The following PRTG variants were observed in gnomAD, a reference collection of about 807,000 sequenced individuals.
PRTG encodes immunoglobulin superfamily, DCC subclass, member 5.
A neutral mutation model predicts 122.5 loss-of-function variants in PRTG; 67 were observed. The observed-to-expected ratio is 0.55, with a 90% CI of 0.45 to 0.67. PRTG has a LOEUF of 0.67. Among genes scored for constraint, PRTG ranks in the 30% least tolerant of loss-of-function variants. The pLI, the probability that PRTG is intolerant of heterozygous loss-of-function variation, is 0.00. For synonymous variants in PRTG, 554 were observed against 501.1 expected, an observed-to-expected ratio of 1.11 and a Z score of -1.41; for missense variants, 1,435 against 1,415.4, an observed-to-expected ratio of 1.01 and a Z score of -0.22.
rs1444001000 is a variant in PRTG at position 55,622,240 on chromosome 15, C to CA, written c.3094-1474dup. ...TGTTTTTTTTTTTTTTTTTTTGAGA[C>CA]AGAGTCTCGTTCTTGTTGCCCAGGC... On this transcript the variant is annotated intron_variant, in intron 18 of 19. Transcript: ENST00000389286. 7.3e-5 allele frequency among the ~76,000 whole-genome samples: 8 copies of CA among 109,318 alleles called. No homozygotes were observed. The East Asian group carries it at 2.7e-3, about 37-fold the overall frequency. 71.7% of individuals were successfully genotyped at this position (109,318 alleles called of 152,430 possible).
rs539139924 is a variant in PRTG, at chr15:55,619,033, A to G, written c.*979T>C. 1 of 152,296 alleles carries G rather than the reference A, an allele frequency of 6.6e-6. No homozygotes were observed. Among genetic ancestry groups the G allele is most frequent in the South Asian group, 2.1e-4 (1 of 4,822 alleles). 9.4% of individuals were successfully genotyped at this position (152,296 alleles called of 1,614,324 possible). A position where few individuals can be genotyped will look rare whatever the true frequency, so the allele number is the denominator to read the frequency against. On this transcript the variant is annotated 3_prime_UTR_variant, in exon 20 of 20. Transcript: ENST00000389286. ...CCACCTTAACCCATTTTCTTTAAAA[A>G]TCCATATTCTGCATGGGGTTTTGCA...
At chr15:55,710,899 G>GT (rs1237566846) in intron 2 of PRTG, among the ~76,000 whole-genome samples, 2 of 151,530 alleles carry the variant, frequency 1.3e-5, no homozygotes, top group Non-Finnish European at 2.9e-5. Context: ...AGCAGATGTG[G>GT]TTTTTTGATT....
chr15:55,673,801 GAGGTTTTC>G, intron 9 of PRTG, 125 bp from the exon 10 acceptor site: 1 of 714,374 alleles, frequency 1.4e-6, no homozygotes, highest in Non-Finnish European at 2.3e-6. Flanking sequence ...AGCCCTAGCA[GAGGTTTTC>G]AGTGAAACAG....
At chr15:55,682,801 G>A (rs879663432) in intron 3 of PRTG, among the ~76,000 whole-genome samples, 11 of 152,074 alleles carry the variant, frequency 7.2e-5, no homozygotes, top group Non-Finnish European at 1.6e-4. Context: ...GACCTCAAGT[G>A]ATCTGCCCGC....
chr15:55,739,318 T>G (rs969830761), intron 2 of PRTG, among the ~76,000 whole-genome samples: 4 of 151,154 alleles, frequency 2.6e-5, no homozygotes, highest in African/African-American at 9.7e-5. Context: ...CAGGCTGGAC[T>G]CAAACTCCAG....
At chr15:55,682,717 CA>C (rs2059547550) in intron 3 of PRTG, among the ~76,000 whole-genome samples, 1 of 151,952 alleles carries the variant, frequency 6.6e-6, no homozygotes, top group South Asian at 2.1e-4. Flanking sequence ...GGTGCGCCAC[CA>C]TGCCCAGCTG....
chr15:55,733,990 C>G lies in PRTG; in HGVS notation c.397+6392G>C, dbSNP rs528072780. ...TCACTGGAAAGTGTTCTACTACTTT[C>G]GGAAACATCAGGGATTCTCAATCAG... is the stretch of plus-strand genomic sequence containing the variant. On this transcript the variant is annotated intron_variant, in intron 2 of 19. Transcript: ENST00000389286. 3.2e-4 allele frequency among the ~76,000 whole-genome samples: 48 copies of G among 152,302 alleles called. No homozygotes were observed. The South Asian group carries it at 8.7e-3, about 28-fold the overall frequency.
chr15:55,725,975 C>T (rs2031016241), intron 2 of PRTG, among the ~76,000 whole-genome samples: 1 of 151,878 alleles, frequency 6.6e-6, no homozygotes. Context: ...GACAGAGTCT[C>T]ACTCTGTTGC....
At chr15:55,629,369 ATATATATGTGTGTG>A (rs1223270340) in intron 15 of PRTG, among the ~76,000 whole-genome samples, 97 of 34,384 alleles carry the variant, frequency 2.8e-3, no homozygotes, top group South Asian at 0.021. Context: ...GTATATATAT[ATATATATGTGTGTG>A]TGTGTGTGTG....
chr15:55,727,550 C>T (rs2917841), intron 2 of PRTG, among the ~76,000 whole-genome samples: 6 of 152,094 alleles, frequency 3.9e-5, no homozygotes, highest in African/African-American at 1.4e-4. Context: ...AATCCCAGCA[C>T]TTTGGGAGGC....
chr15:55,640,499 A>T (rs997664872), intron 12 of PRTG, among the ~76,000 whole-genome samples: 1 of 152,192 alleles, frequency 6.6e-6, no homozygotes, highest in Non-Finnish European at 1.5e-5. Context: ...CCAGTGGGGG[A>T]CTTAAGACTA....
chr15:55,716,399 C>T lies in PRTG; in HGVS notation c.397+23983G>A, dbSNP rs941886470. ...GAAGAATGATGGGAGTTCCTCTGCCCACTACAGAACCACTTCCTTACCTCC... is the reference window on the plus strand; with the variant it reads ...GAAGAATGATGGGAGTTCCTCTGCCTACTACAGAACCACTTCCTTACCTCC... On this transcript the variant is annotated intron_variant, in intron 2 of 19. Transcript: ENST00000389286. 5.3e-5 allele frequency among the ~76,000 whole-genome samples: 8 copies of T among 152,272 alleles called. No homozygotes were observed. In the South Asian group the frequency reaches 6.2e-4, roughly 12 times the overall value.
At position 55,677,883 on chromosome 15, in the gene PRTG, C is replaced by G; in HGVS notation, c.1295G>C (p.Ser432Thr). ...CTCCCAGGCTAAAAGAATGGCTGAG[C>G]TTGACATGGTTTCAGCATGTACATT... is the stretch of plus-strand genomic sequence containing the variant. ...PYNVHAETMS[S>T]SAILLAWERP... is the part of the protein sequence containing the mutation. The change falls in exon 8 of 20, where the codon AGC becomes ACC. Residue 432 changes from serine to threonine, a missense_variant. Transcript: ENST00000389286. 1 of 1,613,784 alleles carries G rather than the reference C, an allele frequency of 6.2e-7. No individual in the cohort carries two copies. Among genetic ancestry groups the G allele is most frequent in the South Asian group, 1.1e-5 (1 of 91,070 alleles).
intron 15 of PRTG, among the ~76,000 whole-genome samples, chr15:55,629,797 TGAATATA>T (rs1567074940): frequency 2.6e-5 from 2 of 77,872 alleles, no homozygotes; most frequent in Admixed American, 1.6e-4. Context: ...TTTGAAAGCA[TGAATATA>T]TTTTTACTGG....
At chr15:55,670,770 G>A (rs1426589392) in intron 11 of PRTG, among the ~76,000 whole-genome samples, 1 of 152,048 alleles carries the variant, frequency 6.6e-6, no homozygotes, top group Non-Finnish European at 1.5e-5. Context: ...GCTTGGTGGT[G>A]CATGCCTGTA....
At chr15:55,667,197 A>G (rs897033810) in intron 11 of PRTG, among the ~76,000 whole-genome samples, 5 of 136,868 alleles carry the variant, frequency 3.7e-5, no homozygotes, top group Non-Finnish European at 7.9e-5. Flanking sequence ...ATTTACGACA[A>G]ATAATTTAAG....
In PRTG at chr15:55,666,221, C is replaced by T. The variant is rs370434539; in HGVS notation, c.2041+6224G>A. On this transcript the variant is annotated intron_variant, in intron 11 of 19. Coordinates refer to ENST00000389286, the MANE Select transcript of PRTG (RefSeq NM_173814.6). ...CTCACAGGTGACTGGGCTTTTGCTA[C>T]ATCCTCACATGGTAGAGAGCATGCT... Among the ~76,000 whole-genome samples, 21 of 152,332 alleles carry T rather than the reference C, an allele frequency of 1.4e-4. No individual in the cohort carries two copies. In the South Asian group the frequency reaches 4.2e-3, roughly 30 times the overall value.
intron 2 of PRTG, among the ~76,000 whole-genome samples, chr15:55,729,416 A>G (rs2031152816): frequency 6.6e-6 from 1 of 151,856 alleles, no homozygotes; most frequent in Non-Finnish European, 1.5e-5. Context: ...GGTGATGAAA[A>G]TTTTCTGGAA....
chr15:55,680,326 T>C, intron 5 of PRTG, 114 bp from the exon 6 acceptor site: 1 of 1,121,066 alleles, frequency 8.9e-7, no homozygotes, highest in Admixed American at 2.7e-5. Context: ...AATATAAAAT[T>C]CTCCATGTTA....
Sources: gnomAD v4.1 joint callset for allele counts (sites outside exome capture counted in the v4.1 genomes callset) on GRCh38, gnomAD v4.1.1 for gene constraint, MANE v1.5 for transcripts, NCBI Gene and HGNC (gene_info 2026-07-23, HGNC 2026-07-21) for gene names.